Variants in ATP23 observed in about 807,000 individuals in gnomAD.
ATP23 encodes the protein ATP23 metallopeptidase and ATP synthase assembly factor homolog.
In ATP23, 24 loss-of-function variants were observed where a neutral mutation model predicts 28.5. That is an observed-to-expected ratio of 0.84 (90% CI 0.61 to 1.18). The LOEUF is 1.18. Ranked by LOEUF, ATP23 falls within the 50% of genes most tolerant of loss-of-function variation. ATP23 has a pLI of 0.00. For synonymous variants in ATP23, 99 were observed against 108.6 expected, an observed-to-expected ratio of 0.91 and a Z score of 0.55; for missense variants, 274 against 306.4, an observed-to-expected ratio of 0.89 and a Z score of 0.79.
At chr12:57,948,900 T>C (rs904421863) in intron 3 of ATP23, among the ~76,000 whole-genome samples, 3 of 152,252 alleles carry the variant, frequency 2.0e-5, no homozygotes, top group African/African-American at 7.2e-5. Flanking sequence ...TTGAATTTTA[T>C]GTAGCATTTT....
At chr12:57,953,893 G>A (rs1319721815) in intron 5 of ATP23, among the ~76,000 whole-genome samples, 2 of 152,254 alleles carry the variant, frequency 1.3e-5, no homozygotes, top group African/African-American at 4.8e-5. Context: ...CAATGAGTGT[G>A]TGAGATAGTC....
intron 1 of ATP23, among the ~76,000 whole-genome samples, chr12:57,943,160 T>C (rs1224894747): frequency 6.6e-6 from 1 of 152,102 alleles, no homozygotes; most frequent in Non-Finnish European, 1.5e-5. Flanking sequence ...ATTGAGTGCC[T>C]CCCAGGTTCT....
chr12:57,944,354 C>T (rs895145601), intron 1 of ATP23, among the ~76,000 whole-genome samples: 1 of 151,910 alleles, frequency 6.6e-6, no homozygotes, highest in African/African-American at 2.4e-5. Flanking sequence ...TTTTGGGTTA[C>T]ATCATATAAT....
In ATP23 at chr12:57,951,788, C is replaced by A. The variant is rs1956817405; in HGVS notation, c.346C>A (p.Gln116Lys). The change falls in exon 4 of 6, where the codon CAG (glutamine) becomes AAG (lysine). Residue 116 changes from glutamine (Q) to lysine (K), a missense_variant. Physicochemically the swap from Gln to Lys is moderately conservative, Grantham distance 53. Coordinates refer to ENST00000300145, the MANE Select transcript of ATP23 (RefSeq NM_033276.4). ...TTTGTGCCAGAATAATATCCATAAT[C>A]AGGCCCATATGAACAGAGTGGTCAC... is the stretch of plus-strand genomic sequence containing the variant. ...IVLCQNNIHN[Q>K]AHMNRVVTHE... 1 of 1,614,024 alleles carries A rather than the reference C, an allele frequency of 6.2e-7. No individual in the cohort carries two copies. The highest frequency in any genetic ancestry group is 1.3e-5 in the African/African-American group (1 of 74,922).
rs1394116784 is a variant in ATP23, at chr12:57,941,731, G to T, written c.30G>T (p.Arg10=). 1 of 1,598,508 alleles carries T rather than the reference G, an allele frequency of 6.3e-7. No homozygotes were observed. Among genetic ancestry groups the T allele is most frequent in the African/African-American group, 1.3e-5 (1 of 74,642 alleles). The change falls in exon 1 of 6, where the codon CGG becomes CGT. Residue 10 remains arginine (R), a synonymous_variant. Coordinates refer to ENST00000300145, the MANE Select transcript of ATP23 (RefSeq NM_033276.4). MAGAPDERR[R]GPAAGEQLQQ... Reference sequence around the variant, plus strand: ...CGGGAGCTCCGGACGAGCGCCGGCGGGGCCCCGCGGCAGGGGAGCAGCTGC... The same window carrying T: ...CGGGAGCTCCGGACGAGCGCCGGCGTGGCCCCGCGGCAGGGGAGCAGCTGC...
rs1049745974 is a variant in ATP23 at position 57,958,529 on chromosome 12, C to T, written c.*1639C>T. ...TGGAACAGGTGCTGGTATCCACAGC[C>T]GAGAGACCCATAGACGGTTCACATC... On this transcript the variant is annotated 3_prime_UTR_variant, in exon 6 of 6. Coordinates refer to ENST00000300145, the MANE Select transcript of ATP23 (RefSeq NM_033276.4). Among the ~76,000 whole-genome samples, 2 of 152,148 alleles carry T rather than the reference C, an allele frequency of 1.3e-5. No homozygotes were observed. Among genetic ancestry groups the T allele is most frequent in the East Asian group, 1.9e-4 (1 of 5,186 alleles).
Position 57,957,905 on chromosome 12 carries a change from G to T in ATP23, c.*1015G>T, listed in dbSNP as rs1270657436. ...CCTCCCGGCCAGAACTTGGGAGAGG[G>T]CACAAATCCCATGTGCAGAATCCAC... On this transcript the variant is annotated 3_prime_UTR_variant, in exon 6 of 6. Coordinates refer to ENST00000300145, the MANE Select transcript of ATP23 (RefSeq NM_033276.4). 6.6e-6 allele frequency among the ~76,000 whole-genome samples: 1 copy of T among 152,176 alleles called. No individual in the cohort carries two copies. The highest frequency in any genetic ancestry group is 2.4e-5 in the African/African-American group (1 of 41,458).
At chr12:57,946,807 T>G (rs1956766129) in intron 2 of ATP23, among the ~76,000 whole-genome samples, 188 bp from the exon 3 acceptor site, 1 of 152,182 alleles carries the variant, frequency 6.6e-6, no homozygotes, top group Admixed American at 6.5e-5. Context: ...GAATGGATTT[T>G]GTGTACAACC....
At chr12:57,945,970 ATTC>A (rs199610618) in intron 2 of ATP23, among the ~76,000 whole-genome samples, 7,018 of 151,442 alleles carry the variant, frequency 0.046, 218 homozygotes, top group Non-Finnish European at 0.071. Context: ...GGTTCAAGCA[ATTC>A]TTCTCCCTCA....
intron 4 of ATP23, among the ~76,000 whole-genome samples, chr12:57,952,134 A>T (rs986225348): frequency 9.9e-5 from 15 of 152,280 alleles, no homozygotes; most frequent in Admixed American, 9.2e-4. Flanking sequence ...TGACTTTAAT[A>T]AGCTATTAAT....
chr12:57,956,236 C>T (rs1044368021), intron 5 of ATP23, among the ~76,000 whole-genome samples: 3 of 152,116 alleles, frequency 2.0e-5, no homozygotes, highest in Non-Finnish European at 2.9e-5. Context: ...AGGACTTACC[C>T]TTCTCAAAGG....
intron 1 of ATP23, among the ~76,000 whole-genome samples, chr12:57,943,213 G>A (rs1956724786): frequency 6.6e-6 from 1 of 152,192 alleles, no homozygotes; most frequent in Admixed American, 6.5e-5. Flanking sequence ...TGCCTTGAAG[G>A]TGCTTCAAAG....
At chr12:57,956,112 C>T (rs1188147255) in intron 5 of ATP23, among the ~76,000 whole-genome samples, 2 of 152,110 alleles carry the variant, frequency 1.3e-5, no homozygotes, top group African/African-American at 4.8e-5. Context: ...ACTTTAATAT[C>T]TGTGTAAAGA....
At chr12:57,943,948 CGTG>C (rs1162721486) in intron 1 of ATP23, among the ~76,000 whole-genome samples, 1 of 142,702 alleles carries the variant, frequency 7.0e-6, no homozygotes, top group South Asian at 2.3e-4. Context: ...CTGGGTGGGG[CGTG>C]GTGGTGGAAA....
intron 3 of ATP23, among the ~76,000 whole-genome samples, chr12:57,951,201 G>T (rs1198740323): frequency 1.3e-5 from 2 of 152,192 alleles, no homozygotes; most frequent in Non-Finnish European, 2.9e-5. Flanking sequence ...GACAGTGGTG[G>T]TCATTCCTTT....
chr12:57,953,623 T>C lies in ATP23; in HGVS notation c.471T>C (p.Leu157=). 6.2e-7 allele frequency: 1 copy of C among 1,614,170 alleles called. No homozygotes were observed. The highest frequency in any genetic ancestry group is 8.5e-7 in the Non-Finnish European group (1 of 1,180,012). ...TGTGATAGGTTCGAGCTGCTAACCTTAGTGGAGACTGCTCACTTGTCAATG... is the reference window on the plus strand; with the variant it reads ...TGTGATAGGTTCGAGCTGCTAACCTCAGTGGAGACTGCTCACTTGTCAATG... ...LACSEVRAAN[L]SGDCSLVNEI... is the part of the protein sequence containing the mutation. Residue 157 remains leucine (L), a synonymous_variant, in exon 5 of 6, where the codon CTT becomes CTC. Transcript: ENST00000300145.
rs987355169 is a variant in ATP23, at chr12:57,941,902, C to T, written c.187+14C>T. On this transcript the variant is annotated intron_variant, in intron 1 of 5. Coordinates refer to ENST00000300145, the MANE Select transcript of ATP23 (RefSeq NM_033276.4). ...CGCTGGAGACAAGTAGGAGCCATGA[C>T]CTGGAGGCTGTGGTTCCACAGAATG... 6.2e-7 allele frequency: 1 copy of T among 1,611,048 alleles called. No homozygotes were observed. The highest frequency in any genetic ancestry group is 8.5e-7 in the Non-Finnish European group (1 of 1,178,676).
intron 1 of ATP23, among the ~76,000 whole-genome samples, chr12:57,942,768 T>C (rs939936558): frequency 6.6e-6 from 1 of 151,968 alleles, no homozygotes; most frequent in Non-Finnish European, 1.5e-5. Flanking sequence ...AATAGCTTCA[T>C]CATATTCTCA....
At chr12:57,945,271 C>T (rs961192699) in intron 1 of ATP23, among the ~76,000 whole-genome samples, 1 of 152,028 alleles carries the variant, frequency 6.6e-6, no homozygotes, top group Non-Finnish European at 1.5e-5. Flanking sequence ...GTCACTCTAT[C>T]GTCCAGGCTG....
Sources: gnomAD v4.1 joint callset for allele counts (sites outside exome capture counted in the v4.1 genomes callset) on GRCh38, gnomAD v4.1.1 for gene constraint, MANE v1.5 for transcripts, NCBI Gene and HGNC (gene_info 2026-07-23, HGNC 2026-07-21) for gene names.